CNBD1: variants seen among roughly 807,000 people sequenced by gnomAD.
CNBD1 encodes cyclic nucleotide binding domain containing 1, also known as cyclic nucleotide-binding domain-containing protein 1.
A neutral mutation model predicts 54.4 loss-of-function variants in CNBD1; 71 were observed. The observed-to-expected ratio is 1.30, with a 90% CI of 1.08 to 1.59. The LOEUF (loss-of-function observed/expected upper bound fraction) is 1.59, where lower values mean the gene tolerates loss of function less well. Ranked by LOEUF, CNBD1 falls within the 40% of genes most tolerant of loss-of-function variation. The probability of loss-of-function intolerance (pLI) is 0.00; values close to 1 mark genes in which losing one functional copy is unlikely to be tolerated. For synonymous variants in CNBD1, 182 were observed against 170.7 expected (o/e 1.07, Z -0.51); for missense variants, 659 against 518.0 (o/e 1.27, Z -2.64).
chr8:87,002,657 G>A (rs1315160402), intron 4 of CNBD1, among the ~76,000 whole-genome samples: 1 of 150,680 alleles, frequency 6.6e-6, no homozygotes, highest in East Asian at 1.9e-4. Context: ...CATATGTTCA[G>A]TAAGGCCTAT....
At chr8:87,256,029 T>A (rs1239325251) in intron 6 of CNBD1, among the ~76,000 whole-genome samples, 6 of 88,870 alleles carry the variant, frequency 6.8e-5, no homozygotes, top group African/African-American at 2.1e-4. Context: ...TTTTTTTTTT[T>A]TTTTTTTTTT....
intron 4 of CNBD1, among the ~76,000 whole-genome samples, chr8:86,985,955 G>A (rs994957984): frequency 6.6e-6 from 1 of 151,978 alleles, no homozygotes; most frequent in African/African-American, 2.4e-5. Context: ...CCTGAGATGG[G>A]AGTCTTGCTA....
At chr8:87,235,282 T>C (rs555740977) in intron 5 of CNBD1, among the ~76,000 whole-genome samples, 1 of 152,314 alleles carries the variant, frequency 6.6e-6, no homozygotes, top group East Asian at 1.9e-4. Flanking sequence ...CTACAAGAAC[T>C]GTTCCTTTGC....
chr8:86,939,491 T>C (rs1809611429), intron 3 of CNBD1, 105 bp from the exon 4 acceptor site: 6 of 728,158 alleles, frequency 8.2e-6, no homozygotes, highest in Non-Finnish European at 1.3e-5. Flanking sequence ...AAATGACAAA[T>C]TTTCTCAAAA....
chr8:87,264,885 A>G (rs1228000702), intron 6 of CNBD1, among the ~76,000 whole-genome samples: 1 of 151,996 alleles, frequency 6.6e-6, no homozygotes. Context: ...AGTTCTTTGT[A>G]GATTTCGGAT....
At chr8:87,259,123 T>G (rs938635209) in intron 6 of CNBD1, among the ~76,000 whole-genome samples, 2 of 152,184 alleles carry the variant, frequency 1.3e-5, no homozygotes, top group African/African-American at 4.8e-5. Flanking sequence ...TTTTCACTTT[T>G]GGTGCATAAA....
At chr8:87,428,464 T>TA (rs554893215) in intron 2 of CNBD1, 1 of 329,596 alleles carries the variant, frequency 3.0e-6, no homozygotes, top group Admixed American at 4.5e-5. Context: ...GAAATATTGA[T>TA]AAAAATAGGA....
chr8:86,888,070 T>C (rs1808707488), intron 2 of CNBD1, among the ~76,000 whole-genome samples: 1 of 152,158 alleles, frequency 6.6e-6, no homozygotes, highest in African/African-American at 2.4e-5. Context: ...TGACAACTCC[T>C]TTCTCCAAGT....
chr8:87,084,885 G>A (rs1479878401), intron 4 of CNBD1, among the ~76,000 whole-genome samples: 2 of 151,958 alleles, frequency 1.3e-5, no homozygotes, highest in African/African-American at 4.8e-5. Flanking sequence ...ATGTTGGTCA[G>A]GCTGGTCTCG....
intron 6 of CNBD1, among the ~76,000 whole-genome samples, chr8:87,256,938 TGTGAAGG>T (rs1312737490): frequency 6.6e-6 from 1 of 152,000 alleles, no homozygotes; most frequent in African/African-American, 2.4e-5. Context: ...GGTTCTAGAT[TGTGAAGG>T]GGTTGTCCTC....
intron 6 of CNBD1, among the ~76,000 whole-genome samples, chr8:87,249,619 A>G (rs1055630450): frequency 2.6e-5 from 4 of 152,174 alleles, no homozygotes; most frequent in Admixed American, 1.3e-4. Context: ...GTTTAAAGCA[A>G]TCAATTAAGA....
At chr8:87,380,424 G>C (rs1020150560) in intron 10 of CNBD1, among the ~76,000 whole-genome samples, 1 of 151,822 alleles carries the variant, frequency 6.6e-6, no homozygotes, top group African/African-American at 2.4e-5. Flanking sequence ...CTGTAGCTTT[G>C]TAAGGTATTT....
At chr8:86,885,142 C>T (rs1456821910) in intron 1 of CNBD1, among the ~76,000 whole-genome samples, 2 of 152,146 alleles carry the variant, frequency 1.3e-5, no homozygotes, top group Admixed American at 6.5e-5. Flanking sequence ...AGTTTAGTTA[C>T]GTTTAACACA....
At chr8:87,331,520 C>T (rs1053767380) in intron 8 of CNBD1, among the ~76,000 whole-genome samples, 1 of 152,170 alleles carries the variant, frequency 6.6e-6, no homozygotes, top group Non-Finnish European at 1.5e-5. Context: ...CTGCAATAAA[C>T]ATATGTGTGC....
intron 2 of CNBD1, among the ~76,000 whole-genome samples, chr8:87,428,291 A>C (rs545924644): frequency 1.3e-5 from 2 of 152,324 alleles, no homozygotes; most frequent in African/African-American, 4.8e-5. Context: ...CCACATGTTA[A>C]GTACTAAACA....
intron 4 of CNBD1, among the ~76,000 whole-genome samples, chr8:86,950,012 AGTGGT>A (rs1474798934): frequency 1.3e-5 from 1 of 75,112 alleles, no homozygotes; most frequent in African/African-American, 5.6e-5. Flanking sequence ...GCTGGAGTGC[AGTGGT>A]GTGATCTCAG....
intron 6 of CNBD1, among the ~76,000 whole-genome samples, chr8:87,277,263 A>G (rs1287382540): frequency 6.6e-6 from 1 of 151,690 alleles, no homozygotes; most frequent in Non-Finnish European, 1.5e-5. Flanking sequence ...CAAGGAGGAT[A>G]ATTCTGTCTT....
chr8:87,073,310 G>A (rs575674312), intron 4 of CNBD1, among the ~76,000 whole-genome samples: 2 of 152,106 alleles, frequency 1.3e-5, no homozygotes, highest in South Asian at 4.2e-4. Flanking sequence ...TGTCAATTCA[G>A]CCATTTTAGC....
intron 6 of CNBD1, among the ~76,000 whole-genome samples, chr8:87,267,725 T>C (rs1190095463): frequency 6.6e-6 from 1 of 152,216 alleles, no homozygotes; most frequent in Non-Finnish European, 1.5e-5. Flanking sequence ...TTGCATATGC[T>C]ACCTTTATCT....
Sources: allele counts gnomAD v4.1 joint callset (sites outside exome capture counted in the v4.1 genomes callset), GRCh38; gene constraint gnomAD v4.1.1; transcripts MANE v1.5; gene names NCBI Gene and HGNC (gene_info 2026-07-23, HGNC 2026-07-21).